The following ANKRD20A1 variants were observed in gnomAD, a reference collection of about 807,000 sequenced individuals.
The protein encoded by ANKRD20A1 is ankyrin repeat domain-containing protein 20A1.
Under a neutral mutation model 50.9 loss-of-function variants are expected in ANKRD20A1, and 2 were observed. That is an observed-to-expected ratio of 0.04 (90% CI 0.02 to 0.12). The LOEUF is 0.12. Ranked by LOEUF, ANKRD20A1 falls within the 10% of genes least tolerant of loss-of-function variation. The pLI is 1.00. For missense variants in ANKRD20A1, 31 were observed against 548.1 expected (o/e 0.06, Z 9.42); for synonymous variants, 10 against 186.2 (o/e 0.05, Z 7.70).
intron 8 of ANKRD20A1, among the ~76,000 whole-genome samples, chr9:67,883,168 G>C (rs1827827068): frequency 6.6e-6 from 1 of 150,972 alleles, no homozygotes; most frequent in Non-Finnish European, 1.5e-5. Flanking sequence ...GGGATGGCTG[G>C]GTCAAATGGT....
chr9:67,885,625 T>C (rs1827869433), intron 9 of ANKRD20A1, among the ~76,000 whole-genome samples: 1 of 152,312 alleles, frequency 6.6e-6, no homozygotes, highest in South Asian at 2.1e-4. Context: ...TATAATGTAG[T>C]ATTAAATTGA....
chr9:67,895,859 T>G lies in ANKRD20A1; in HGVS notation c.1153-1700T>G, dbSNP rs544882661. ...TTTTCCTCTTTATCAATTATTTGAT[T>G]TAGTCAAATTTTCTGTTCAAGAAAA... On this transcript the variant is annotated intron_variant, in intron 12 of 14. Transcript: ENST00000562196. Among the ~76,000 whole-genome samples, 306 of 89,490 alleles carry G rather than the reference T, an allele frequency of 3.4e-3. 82 individuals carry two copies. The highest frequency in any genetic ancestry group is 9.8e-3 in the African/African-American group (294 of 29,930). 58.7% of individuals were successfully genotyped at this position (89,490 alleles called of 152,430 possible). A position where few individuals can be genotyped will look rare whatever the true frequency, so the allele number is the denominator to read the frequency against.
At chr9:67,860,213 A>G (rs1358804260) in intron 1 of ANKRD20A1, among the ~76,000 whole-genome samples, 1 of 45,116 alleles carries the variant, frequency 2.2e-5, no homozygotes, top group Non-Finnish European at 4.3e-5. Context: ...AGGTGCCAGC[A>G]TGCCTGGCTA....
Position 67,872,626 on chromosome 9 carries a change from G to C in ANKRD20A1, c.793+1414G>C, listed in dbSNP as rs199632332. Among the ~76,000 whole-genome samples the C allele has an allele frequency of 2.2e-5, 3 of 139,058 alleles. 1 individual carries two copies. Among genetic ancestry groups the C allele is most frequent in the Non-Finnish European group, 3.2e-5 (2 of 62,736 alleles). The allele number at this position is 139,058 out of a possible 152,430, so 91.2% of individuals were successfully genotyped here. ...GTAGACTATAATAGTATATTCAATA[G>C]TCATATGTTTTTCTCCAGTTATACA... On this transcript the variant is annotated intron_variant, in intron 6 of 14. Coordinates refer to ENST00000562196, the MANE Select transcript of ANKRD20A1 (RefSeq NM_032250.5).
rs1412138444 is a variant in ANKRD20A1 at position 67,889,030 on chromosome 9, G to A, written c.1081+1562G>A. 4.8e-5 allele frequency among the ~76,000 whole-genome samples: 7 copies of A among 146,636 alleles called. No individual in the cohort carries two copies. In the East Asian group the frequency reaches 6.8e-4, roughly 14 times the overall value. ...CACCAAGGCTGCAGTGCAGTGGCTC[G>A]GTCTTGACTCATTACCACCTCTGCC... On this transcript the variant is annotated intron_variant, in intron 11 of 14. Coordinates refer to ENST00000562196, the MANE Select transcript of ANKRD20A1 (RefSeq NM_032250.5).
chr9:67,889,334 C>A (rs1827914131), intron 11 of ANKRD20A1, among the ~76,000 whole-genome samples: 1 of 85,704 alleles, frequency 1.2e-5, no homozygotes, highest in Non-Finnish European at 2.5e-5. Flanking sequence ...TGAAGGTATT[C>A]ATGCATTGAG....
intron 8 of ANKRD20A1, 56 bp from the exon 9 acceptor site, chr9:67,884,430 C>G (rs1827842007): frequency 6.7e-7 from 1 of 1,486,866 alleles, no homozygotes; most frequent in Non-Finnish European, 9.1e-7. Flanking sequence ...ATAAGAAACT[C>G]TTGATGCAAC....
chr9:67,897,101 G>A (rs1462921686), intron 12 of ANKRD20A1, among the ~76,000 whole-genome samples: 1 of 88,158 alleles, frequency 1.1e-5, no homozygotes, highest in African/African-American at 3.4e-5. Flanking sequence ...GTACAGAAAA[G>A]GGAAAACTTC....
chr9:67,881,592 C>A (rs1157494250), intron 8 of ANKRD20A1, among the ~76,000 whole-genome samples: 2 of 152,258 alleles, frequency 1.3e-5, no homozygotes, highest in Non-Finnish European at 2.9e-5. Context: ...CGTGGTGAAA[C>A]CCTGTCTCTA....
rs1455247314 is a variant in ANKRD20A1, at chr9:67,895,648, TCCAAGGTCA to T, written c.1153-1906_1153-1898del. ...AGCTAGAAGACTTATGGGAAGATAT[TCCAAGGTCA>T]CCAACATGGCACATGAATAGATATG... On this transcript the variant is annotated intron_variant, in intron 12 of 14. Transcript: ENST00000562196. 5.4e-5 allele frequency among the ~76,000 whole-genome samples: 2 copies of T among 37,118 alleles called. 1 individual carries two copies. The highest frequency in any genetic ancestry group is 1.2e-4 in the Non-Finnish European group (2 of 17,178). The allele number at this position is 37,118 out of a possible 152,430, so 24.4% of individuals were successfully genotyped here. A position where few individuals can be genotyped will look rare whatever the true frequency, so the allele number is the denominator to read the frequency against.
chr9:67,882,437 ATATGT>A (rs1457870782), intron 8 of ANKRD20A1, among the ~76,000 whole-genome samples: 886 of 138,404 alleles, frequency 6.4e-3, no homozygotes, highest in African/African-American at 0.022. Flanking sequence ...ATAAGTTTTG[ATATGT>A]TATGTTGAGA....
chr9:67,863,926 G>GTT (rs1171442600), intron 3 of ANKRD20A1, among the ~76,000 whole-genome samples: 1 of 30,974 alleles, frequency 3.2e-5, no homozygotes, highest in Non-Finnish European at 6.2e-5. Flanking sequence ...CCAGGAAGAG[G>GTT]TTTTTTTTTG....
At chr9:67,892,767 A>G (rs1364229195) in intron 11 of ANKRD20A1, among the ~76,000 whole-genome samples, 1 of 91,030 alleles carries the variant, frequency 1.1e-5, no homozygotes, top group Non-Finnish European at 2.4e-5. Context: ...CTGGGACTAC[A>G]AGCACATATC....
rs1436870876 is a variant in ANKRD20A1, at chr9:67,860,004, TA to T, written c.203+376del. ...AAATATTTACTATATTATATATATA[TA>T]TTTTTTTTTCAGATGAAAAGTATGT... On this transcript the variant is annotated intron_variant, in intron 1 of 14. Transcript: ENST00000562196. Among the ~76,000 whole-genome samples, 24 of 8,494 alleles carry T rather than the reference TA, an allele frequency of 2.8e-3. 11 individuals are homozygous for T. Among genetic ancestry groups the T allele is most frequent in the African/African-American group, 6.4e-3 (24 of 3,744 alleles). 5.6% of individuals were successfully genotyped at this position (8,494 alleles called of 152,430 possible).
chr9:67,882,801 G>A (rs1306071886), intron 8 of ANKRD20A1, among the ~76,000 whole-genome samples: 12 of 148,860 alleles, frequency 8.1e-5, no homozygotes, highest in African/African-American at 2.2e-4. Flanking sequence ...TCCGCCCCAC[G>A]ACAGGCCCCA....
Position 67,900,528 on chromosome 9 carries a change from G to C in ANKRD20A1, c.1533G>C (p.Met511Ile), listed in dbSNP as rs562734789. 199 of 968,764 alleles carry C rather than the reference G, an allele frequency of 2.1e-4. 56 individuals are homozygous for C. Among genetic ancestry groups the C allele is most frequent in the South Asian group, 1.8e-3 (100 of 54,548 alleles). 60.0% of individuals were successfully genotyped at this position (968,764 alleles called of 1,614,324 possible). A position where few individuals can be genotyped will look rare whatever the true frequency, so the allele number is the denominator to read the frequency against. The change falls in exon 15 of 15, where the codon ATG (methionine) becomes ATC (isoleucine). Residue 511 changes from methionine (M) to isoleucine (I), a missense_variant. Physicochemically the swap from Met to Ile is conservative, Grantham distance 10. Transcript: ENST00000562196. The part of the protein sequence containing the change: ...FHNHEEMKGL[M>I]DENCILKADI... ...ATCATGAAGAAATGAAAGGTCTGAT[G>C]GATGAAAATTGCATTTTGAAGGCAG...
chr9:67,885,727 A>T (rs1223989945), intron 9 of ANKRD20A1, among the ~76,000 whole-genome samples: 1 of 152,310 alleles, frequency 6.6e-6, no homozygotes, highest in Non-Finnish European at 1.5e-5. Context: ...AGGGCATTCA[A>T]ATTGTCATGA....
At chr9:67,882,186 C>T (rs1382569657) in intron 8 of ANKRD20A1, among the ~76,000 whole-genome samples, 1 of 149,470 alleles carries the variant, frequency 6.7e-6, no homozygotes, top group Admixed American at 6.8e-5. Flanking sequence ...AGGGTTTTGC[C>T]TTGTTGCCCA....
intron 9 of ANKRD20A1, among the ~76,000 whole-genome samples, chr9:67,885,932 GA>G (rs1827876906): frequency 6.6e-6 from 1 of 151,138 alleles, no homozygotes; most frequent in African/African-American, 2.4e-5. Flanking sequence ...AGAATCCAGG[GA>G]AAGCATTAAT....
Sources: allele counts gnomAD v4.1 joint callset (sites outside exome capture counted in the v4.1 genomes callset), GRCh38; gene constraint gnomAD v4.1.1; transcripts MANE v1.5; gene names NCBI Gene and HGNC (gene_info 2026-07-23, HGNC 2026-07-21).